Variants in COG5 observed in about 807,000 individuals in gnomAD.
The protein encoded by COG5 is conserved oligomeric Golgi complex subunit 5.
In COG5, 86 loss-of-function variants were observed where a neutral mutation model predicts 110.4. That is an observed-to-expected ratio of 0.78 (90% CI 0.65 to 0.93). COG5 has a LOEUF of 0.93. Among genes scored for constraint, COG5 ranks in the 40% least tolerant of loss-of-function variants. The probability of loss-of-function intolerance (pLI) is 0.00; values close to 1 mark genes in which losing one functional copy is unlikely to be tolerated. For missense variants in COG5, 1,077 were observed against 987.0 expected, an observed-to-expected ratio of 1.09 and a Z score of -1.22; for synonymous variants, 360 against 334.6, an observed-to-expected ratio of 1.08 and a Z score of -0.83.
chr7:107,518,895 C>A (rs1331342693), intron 6 of COG5, among the ~76,000 whole-genome samples: 1 of 152,202 alleles, frequency 6.6e-6, no homozygotes, highest in Non-Finnish European at 1.5e-5. Flanking sequence ...CTAAAATCAA[C>A]CTCATAATTG....
intron 10 of COG5, among the ~76,000 whole-genome samples, chr7:107,361,288 C>T (rs1473250244): frequency 1.3e-5 from 2 of 152,076 alleles, no homozygotes; most frequent in Non-Finnish European, 2.9e-5. Context: ...TGGTGGAAGA[C>T]AGAAAGATCT....
At chr7:107,439,993 A>G (rs1794610596) in intron 6 of COG5, among the ~76,000 whole-genome samples, 1 of 152,176 alleles carries the variant, frequency 6.6e-6, no homozygotes, top group African/African-American at 2.4e-5. Flanking sequence ...CCTCAGCCCC[A>G]ACATCCTCCA....
chr7:107,264,490 G>C (rs780227767), intron 14 of COG5, among the ~76,000 whole-genome samples: 2 of 152,076 alleles, frequency 1.3e-5, no homozygotes, highest in Non-Finnish European at 2.9e-5. Flanking sequence ...CCAGGAGTTT[G>C]AGACCAGCCT....
At chr7:107,539,586 T>C (rs1801830986) in intron 5 of COG5, among the ~76,000 whole-genome samples, 1 of 152,158 alleles carries the variant, frequency 6.6e-6, no homozygotes, top group African/African-American at 2.4e-5. Flanking sequence ...ATAGAGTTTC[T>C]TTTTTGGGTA....
At position 107,298,165 on chromosome 7, in the gene COG5, G is replaced by T. The variant is rs184902233; in HGVS notation, c.1290C>A (p.Phe430Leu). 596 of 1,608,602 alleles carry T rather than the reference G, an allele frequency of 3.7e-4. 10 individuals carry two copies. The East Asian group carries it at 0.011, about 30-fold the overall frequency. Residue 430 changes from phenylalanine to leucine, a missense_variant, in exon 12 of 22, where the codon TTC (phenylalanine) becomes TTA (leucine). Physicochemically the swap from Phe to Leu is conservative, Grantham distance 22. Transcript: ENST00000297135. Reference protein sequence around the residue: ...QHMEDDAQDIFIPKKPDYDPE... With the variant: ...QHMEDDAQDILIPKKPDYDPE... Reference sequence around the variant, plus strand: ...ACTCATAATCTGGCTTTTTTGGTATGAATATATCTTGTGCATCATCTTCCA... The same window carrying T: ...ACTCATAATCTGGCTTTTTTGGTATTAATATATCTTGTGCATCATCTTCCA...
chr7:107,350,087 T>C (rs969932722), intron 10 of COG5, among the ~76,000 whole-genome samples: 1 of 152,240 alleles, frequency 6.6e-6, no homozygotes, highest in Non-Finnish European at 1.5e-5. Context: ...TTATCAGACA[T>C]AGATGTTGGA....
chr7:107,360,915 G>A (rs1028002235), intron 10 of COG5, among the ~76,000 whole-genome samples: 3 of 152,214 alleles, frequency 2.0e-5, no homozygotes, highest in African/African-American at 7.2e-5. Context: ...GCGATATTCA[G>A]GCAGAAGGCA....
intron 10 of COG5, among the ~76,000 whole-genome samples, chr7:107,349,668 C>T (rs868835642): frequency 2.0e-5 from 3 of 152,176 alleles, no homozygotes; most frequent in African/African-American, 7.2e-5. Flanking sequence ...CGCCATTCTC[C>T]TGCCTCAGCC....
chr7:107,494,387 A>C (rs1411495607), intron 6 of COG5, among the ~76,000 whole-genome samples: 1 of 152,180 alleles, frequency 6.6e-6, no homozygotes, highest in East Asian at 1.9e-4. Flanking sequence ...ATGATGTTTT[A>C]ATTAGTAACA....
chr7:107,498,968 A>C (rs1445140582), intron 6 of COG5, among the ~76,000 whole-genome samples: 6 of 152,202 alleles, frequency 3.9e-5, no homozygotes, highest in African/African-American at 1.4e-4. Context: ...TTCCGACTTA[A>C]ACAAGAAAGA....
intron 7 of COG5, among the ~76,000 whole-genome samples, chr7:107,409,113 C>A (rs373108516): frequency 2.0e-5 from 3 of 147,682 alleles, no homozygotes; most frequent in Admixed American, 6.9e-5. Context: ...TGGGAATATA[C>A]GAGATCATCA....
At chr7:107,546,440 T>TG (rs1254671543) in intron 5 of COG5, among the ~76,000 whole-genome samples, 3 of 146,452 alleles carry the variant, frequency 2.0e-5, no homozygotes, top group Admixed American at 1.4e-4. Context: ...TTTTTGTTTT[T>TG]TTTTTTTTTT....
intron 8 of COG5, 64 bp downstream of exon 8, chr7:107,372,531 T>C: frequency 2.0e-6 from 3 of 1,500,674 alleles, no homozygotes; most frequent in Non-Finnish European, 2.8e-6. Context: ...GTGTTTCACA[T>C]ACTATTCAAA....
At chr7:107,423,351 G>A (rs1351225544) in intron 6 of COG5, among the ~76,000 whole-genome samples, 3 of 152,194 alleles carry the variant, frequency 2.0e-5, no homozygotes, top group East Asian at 1.9e-4. Context: ...ACATATCATC[G>A]TGGAAAACTA....
At chr7:107,443,156 G>A (rs969502832) in intron 6 of COG5, among the ~76,000 whole-genome samples, 1 of 151,994 alleles carries the variant, frequency 6.6e-6, no homozygotes, top group Non-Finnish European at 1.5e-5. Flanking sequence ...ATCCATACAT[G>A]GTATATTATC....
At chr7:107,370,740 C>T (rs978659290) in intron 8 of COG5, among the ~76,000 whole-genome samples, 4 of 143,392 alleles carry the variant, frequency 2.8e-5, no homozygotes, top group Admixed American at 1.4e-4. Flanking sequence ...GAGCTAAGAT[C>T]GTGCAATTGC....
intron 21 of COG5, among the ~76,000 whole-genome samples, chr7:107,206,860 T>C (rs915483601): frequency 2.0e-5 from 3 of 152,230 alleles, no homozygotes; most frequent in Admixed American, 6.5e-5. Context: ...CGAGTACTTA[T>C]TAAATTACTT....
Position 107,513,662 on chromosome 7 carries a change from T to C in COG5, c.538+13575A>G, listed in dbSNP as rs921136163. On this transcript the variant is annotated intron_variant, in intron 6 of 21. Coordinates refer to ENST00000297135, the MANE Select transcript of COG5 (RefSeq NM_006348.5). ...TGGAACCAACCCAAATGTCCAACAA[T>C]GATAGACTGGATTAAGAAAATGTGG... 3.4e-3 allele frequency among the ~76,000 whole-genome samples: 521 copies of C among 152,170 alleles called. 7 individuals carry two copies. The highest frequency in any genetic ancestry group is 0.012 in the African/African-American group (488 of 41,514).
chr7:107,563,078 CT>C (rs1264337954), intron 1 of COG5, among the ~76,000 whole-genome samples: 7 of 152,114 alleles, frequency 4.6e-5, no homozygotes, highest in African/African-American at 1.7e-4. Flanking sequence ...GAACTTTATT[CT>C]GAAGGATAAG....
Sources: allele counts gnomAD v4.1 joint callset (sites outside exome capture counted in the v4.1 genomes callset), GRCh38; gene constraint gnomAD v4.1.1; transcripts MANE v1.5; gene names NCBI Gene and HGNC (gene_info 2026-07-23, HGNC 2026-07-21).